The following USP48 variants were observed in gnomAD, a reference collection of about 807,000 sequenced individuals.
USP48 encodes ubiquitin carboxyl-terminal hydrolase 48.
USP48 carries 43 observed loss-of-function variants against 150.7 expected under a neutral mutation model. That is an observed-to-expected ratio of 0.29 (90% CI 0.22 to 0.37). The LOEUF (loss-of-function observed/expected upper bound fraction) is 0.37, where lower values mean the gene tolerates loss of function less well. Ranked by LOEUF, USP48 falls within the 10% of genes least tolerant of loss-of-function variation. The pLI is 1.00. For synonymous variants in USP48, 396 were observed against 425.9 expected, an observed-to-expected ratio of 0.93 and a Z score of 0.86; for missense variants, 813 against 1,249.6, an observed-to-expected ratio of 0.65 and a Z score of 5.27.
rs191294220 is a variant in USP48, at chr1:21,696,295, C to T, written c.2728-1074G>A. On this transcript the variant is annotated intron_variant, in intron 22 of 26. Transcript: ENST00000308271. ...TCTCTACTAAAAATGCAAAATTAGC[C>T]GGGCATGGTGGCTCATGCCTGTAAT... 3.3e-5 allele frequency among the ~76,000 whole-genome samples: 5 copies of T among 152,252 alleles called. No homozygotes were observed. In the East Asian group the frequency reaches 7.7e-4, roughly 24 times the overall value.
intron 1 of USP48, among the ~76,000 whole-genome samples, chr1:21,771,808 G>C (rs58394478): frequency 0.98 from 149,477 of 151,946 alleles, 73,560 homozygotes; most frequent in Non-Finnish European, 1. Context: ...AATCCCAGCT[G>C]TCAGGGGGAT....
At chr1:21,763,167 T>C (rs2097854043) in intron 1 of USP48, among the ~76,000 whole-genome samples, 1 of 152,154 alleles carries the variant, frequency 6.6e-6, no homozygotes, top group African/African-American at 2.4e-5. Context: ...CTGGGAGCAA[T>C]CTGTATTATT....
intron 1 of USP48, among the ~76,000 whole-genome samples, chr1:21,778,153 AC>A (rs1269164946): frequency 6.6e-6 from 1 of 151,826 alleles, no homozygotes; most frequent in African/African-American, 2.4e-5. Flanking sequence ...AAAAAAAAAA[AC>A]AAAACAAAAA....
rs2097687675 is a variant in USP48, at chr1:21,710,646, ATACAT to A, written c.1964-3783_1964-3779del. On this transcript the variant is annotated intron_variant, in intron 15 of 26. Coordinates refer to ENST00000308271, the MANE Select transcript of USP48 (RefSeq NM_032236.8). ...ATGACTAATTCACACAAAACCTGTG[ATACAT>A]TAAATACATACAACACGTTAGAAAT... Among the ~76,000 whole-genome samples the A allele has an allele frequency of 2.0e-5, 3 of 152,192 alleles. 1 individual carries two copies. The South Asian group carries it at 6.2e-4, about 32-fold the overall frequency.
intron 23 of USP48, among the ~76,000 whole-genome samples, chr1:21,694,557 G>C (rs1225798617): frequency 1.0e-5 from 1 of 95,462 alleles, no homozygotes; most frequent in Non-Finnish European, 1.8e-5. Flanking sequence ...GTGACAGAGT[G>C]AGGCTCTGTC....
At chr1:21,738,116 G>A (rs938669780) in intron 8 of USP48, among the ~76,000 whole-genome samples, 1 of 152,046 alleles carries the variant, frequency 6.6e-6, no homozygotes, top group African/African-American at 2.4e-5. Flanking sequence ...GGAGTGCAAT[G>A]GCGTGATCTC....
Position 21,728,619 on chromosome 1 carries a change from T to C in USP48, c.1401A>G (p.Ala467=). The C allele has an allele frequency of 6.2e-7, 1 of 1,614,248 alleles. No homozygotes were observed. Among genetic ancestry groups the C allele is most frequent in the Non-Finnish European group, 8.5e-7 (1 of 1,180,048 alleles). The change falls in exon 11 of 27, where the codon GCA becomes GCG. Residue 467 remains alanine (A), a synonymous_variant. Coordinates refer to ENST00000308271, the MANE Select transcript of USP48 (RefSeq NM_032236.8). ...MRKQSVDKGK[A]KHEEVKELYQ... ...ACAGCTCCTTAACCTCTTCGTGTTT[T>C]GCTTTTCCTTTATCCACACTTTGCT... is the stretch of plus-strand genomic sequence containing the variant.
Position 21,753,135 on chromosome 1 carries a change from T to C in USP48, c.413-16A>G. On this transcript the variant is annotated splice_polypyrimidine_tract_variant and intron_variant, in intron 3 of 26. Transcript: ENST00000308271. ...GGCTCATAATCTATTAAAACAAAAA[T>C]ATAGATTTGGGGTTTTTTAAGGTGC... 6.3e-7 allele frequency: 1 copy of C among 1,588,316 alleles called. No individual in the cohort carries two copies. The highest frequency in any genetic ancestry group is 8.5e-7 in the Non-Finnish European group (1 of 1,172,726).
intron 8 of USP48, 86 bp from the exon 9 acceptor site, chr1:21,736,711 T>A: frequency 5.2e-6 from 6 of 1,148,564 alleles, no homozygotes; most frequent in Non-Finnish European, 6.9e-6. Context: ...ATTACGAATC[T>A]TTACACATGT....
intron 25 of USP48, among the ~76,000 whole-genome samples, chr1:21,683,963 A>AT (rs373426851): frequency 1.3e-5 from 2 of 152,134 alleles, no homozygotes; most frequent in Non-Finnish European, 1.5e-5. Flanking sequence ...ACAGGATTTC[A>AT]TTTTTTTAAT....
At chr1:21,700,947 C>T (rs890239966) in intron 22 of USP48, among the ~76,000 whole-genome samples, 17 of 151,686 alleles carry the variant, frequency 1.1e-4, no homozygotes, top group Admixed American at 3.9e-4. Flanking sequence ...TGCCTGTAAT[C>T]CCAGCTACTT....
At chr1:21,691,885 T>C (rs2097602312) in intron 23 of USP48, among the ~76,000 whole-genome samples, 1 of 152,150 alleles carries the variant, frequency 6.6e-6, no homozygotes, top group Non-Finnish European at 1.5e-5. Flanking sequence ...ATAAAATGCA[T>C]GCTATTACAT....
At chr1:21,753,888 A>G (rs2152592167) in intron 3 of USP48, among the ~76,000 whole-genome samples, 1 of 150,218 alleles carries the variant, frequency 6.7e-6, no homozygotes, top group Non-Finnish European at 1.5e-5. Flanking sequence ...CAAGGCTGGA[A>G]GCAGTGGTTC....
At chr1:21,685,989 T>C (rs1179426292) in intron 25 of USP48, 2 of 152,190 alleles carry the variant, frequency 1.3e-5, no homozygotes, top group Non-Finnish European at 2.9e-5. Context: ...TCATGGCACA[T>C]GCCTGTAGTC....
At chr1:21,758,184 A>AC (rs2097841578) in intron 1 of USP48, among the ~76,000 whole-genome samples, 2 of 117,838 alleles carry the variant, frequency 1.7e-5, no homozygotes, top group East Asian at 2.7e-4. Context: ...TGCAACTGTA[A>AC]AACACACACA....
intron 8 of USP48, among the ~76,000 whole-genome samples, chr1:21,742,461 T>C (rs2097784068): frequency 6.6e-6 from 1 of 151,284 alleles, no homozygotes. Flanking sequence ...TGAGAATCGC[T>C]TGAACCTGGG....
Position 21,699,156 on chromosome 1 carries a change from A to C in USP48, c.2727+2342T>G, listed in dbSNP as rs548164436. On this transcript the variant is annotated intron_variant, in intron 22 of 26. Transcript: ENST00000308271. ...GCAATTCTCATACCTCAGCCTCCCCAGTACCTGGGATTACAGGCCCACACC... is the reference window on the plus strand; with the variant it reads ...GCAATTCTCATACCTCAGCCTCCCCCGTACCTGGGATTACAGGCCCACACC... 7.3e-4 allele frequency among the ~76,000 whole-genome samples: 108 copies of C among 147,544 alleles called. 1 individual carries two copies. Among genetic ancestry groups the C allele is most frequent in the African/African-American group, 2.6e-3 (106 of 40,068 alleles).
At chr1:21,749,181 C>T (rs973684106) in intron 6 of USP48, among the ~76,000 whole-genome samples, 1 of 152,128 alleles carries the variant, frequency 6.6e-6, no homozygotes, top group Non-Finnish European at 1.5e-5. Flanking sequence ...CCATATTGTA[C>T]TTACCATATT....
chr1:21,753,431 T>C (rs183290261), intron 3 of USP48, among the ~76,000 whole-genome samples: 427 of 151,932 alleles, frequency 2.8e-3, no homozygotes, highest in Non-Finnish European at 4.6e-3. Context: ...GGTGCACACA[T>C]GTAATCCCAG....
Sources: allele counts gnomAD v4.1 joint callset (sites outside exome capture counted in the v4.1 genomes callset), GRCh38; gene constraint gnomAD v4.1.1; transcripts MANE v1.5; gene names NCBI Gene and HGNC (gene_info 2026-07-23, HGNC 2026-07-21).